Variants in SLC12A3 observed in about 807,000 individuals in gnomAD.
The protein encoded by SLC12A3 is Na-Cl cotransporter.
SLC12A3 carries 104 observed loss-of-function variants against 121.0 expected under a neutral mutation model. The ratio of observed to expected loss-of-function variants is 0.86; its 90% CI spans 0.73 to 1.01. SLC12A3 has a LOEUF of 1.01. Ranked by LOEUF, SLC12A3 falls within the 50% of genes least tolerant of loss-of-function variation. The pLI is 0.00. For synonymous variants in SLC12A3, 536 were observed against 533.4 expected, an observed-to-expected ratio of 1.00 and a Z score of -0.07; for missense variants, 1,328 against 1,356.3, an observed-to-expected ratio of 0.98 and a Z score of 0.33.
rs1233095124 is a variant in SLC12A3 at position 56,886,575 on chromosome 16, A to T, written c.2037+100A>T. The T allele has an allele frequency of 1.9e-5, 21 of 1,098,294 alleles. No homozygotes were observed. In the Admixed American group the frequency reaches 3.8e-4, roughly 20 times the overall value. 68.0% of individuals were successfully genotyped at this position (1,098,294 alleles called of 1,614,324 possible). A position where few individuals can be genotyped will look rare whatever the true frequency, so the allele number is the denominator to read the frequency against. On this transcript the variant is annotated intron_variant, in intron 16 of 25. Transcript: ENST00000563236. ...CAAGACAGGTGGATCACCCGAGGTC[A>T]GGAGTTTGAGACCAGCCTGGCCAAC...
At chr16:56,893,641 A>G (rs1596935145) in intron 21 of SLC12A3, among the ~76,000 whole-genome samples, 1 of 152,372 alleles carries the variant, frequency 6.6e-6, no homozygotes, top group South Asian at 2.1e-4. Flanking sequence ...GATATGTGAC[A>G]GCTGGCCCTT....
intron 8 of SLC12A3, among the ~76,000 whole-genome samples, chr16:56,875,422 CT>C (rs2055153251): frequency 2.0e-5 from 3 of 152,144 alleles, no homozygotes; most frequent in African/African-American, 7.2e-5. Context: ...CTAAGGGCTT[CT>C]TGTTATCATT....
At chr16:56,876,614 C>CT (rs2055167264) in intron 8 of SLC12A3, among the ~76,000 whole-genome samples, 1 of 151,660 alleles carries the variant, frequency 6.6e-6, no homozygotes, top group Non-Finnish European at 1.5e-5. Flanking sequence ...GACCTGGGCT[C>CT]TAGAGACTCC....
chr16:56,885,673 A>G (rs1263961549), intron 15 of SLC12A3, among the ~76,000 whole-genome samples: 1 of 152,066 alleles, frequency 6.6e-6, no homozygotes, highest in Non-Finnish European at 1.5e-5. Flanking sequence ...AATGGTGACG[A>G]ACCTCCCCTG....
At position 56,913,254 on chromosome 16, in the gene SLC12A3, T is replaced by C. The variant is rs576303786; in HGVS notation, c.2925-10T>C. On this transcript the variant is annotated splice_polypyrimidine_tract_variant and intron_variant, in intron 25 of 25. Coordinates refer to ENST00000563236, the MANE Select transcript of SLC12A3 (RefSeq NM_001126108.2). Reference sequence around the variant, plus strand: ...TAATCTCTCTTCTACCACTTTTTCATGCCTTGCAGCACTTTGCCCATAGGG... The same window carrying C: ...TAATCTCTCTTCTACCACTTTTTCACGCCTTGCAGCACTTTGCCCATAGGG... The C allele has an allele frequency of 6.2e-7, 1 of 1,614,174 alleles. No individual in the cohort carries two copies. Among genetic ancestry groups the C allele is most frequent in the South Asian group, 1.1e-5 (1 of 91,080 alleles).
rs764937158 is a variant in SLC12A3 at position 56,879,116 on chromosome 16, A to G, written c.1224A>G (p.Thr408=). Residue 408 remains threonine, a synonymous_variant, in exon 10 of 26, where the codon ACA becomes ACG. Coordinates refer to ENST00000563236, the MANE Select transcript of SLC12A3 (RefSeq NM_001126108.2). Reference sequence around the variant, plus strand: ...ATGCCTCTGGGGTCCTGAATGACACAGTGACCCCTGGCTGGGGTGCCTGCG... The same window carrying G: ...ATGCCTCTGGGGTCCTGAATGACACGGTGACCCCTGGCTGGGGTGCCTGCG... ...VRDASGVLND[T]VTPGWGACEG... 1 of 1,613,662 alleles carries G rather than the reference A, an allele frequency of 6.2e-7. No individual in the cohort carries two copies.
At chr16:56,886,025 C>G (rs1489676820) in intron 15 of SLC12A3, among the ~76,000 whole-genome samples, 5 of 152,214 alleles carry the variant, frequency 3.3e-5, no homozygotes, top group African/African-American at 7.2e-5. Flanking sequence ...GTCACCTTCC[C>G]GGGTAACTGA....
At chr16:56,882,730 G>T (rs1443809024) in intron 13 of SLC12A3, among the ~76,000 whole-genome samples, 1 of 152,086 alleles carries the variant, frequency 6.6e-6, no homozygotes, top group Non-Finnish European at 1.5e-5. Flanking sequence ...ATCACTTGAG[G>T]TCAGGAGTTT....
At chr16:56,879,043 A>T in intron 9 of SLC12A3, 30 bp from the exon 10 acceptor site, 1 of 1,587,808 alleles carries the variant, frequency 6.3e-7, no homozygotes, top group Non-Finnish European at 8.6e-7. Context: ...GGGAAGGCAG[A>T]CCTCCCCATG....
At chr16:56,906,798 CAT>C (rs1596956336) in intron 25 of SLC12A3, 3 of 730,420 alleles carry the variant, frequency 4.1e-6, no homozygotes, top group South Asian at 1.5e-5. Context: ...TGAACCCAAA[CAT>C]AGACTTGCAA....
chr16:56,904,565 C>T lies in SLC12A3; in HGVS notation c.2924+103C>T, dbSNP rs13306684. On this transcript the variant is annotated intron_variant, in intron 25 of 25. Transcript: ENST00000563236. ...GGCACCACGGAGGGCCCAAGCCTTC[C>T]CCTAGGAAGCAGAAGGGCCAAAGTT... The T allele has an allele frequency of 1.8e-4, 199 of 1,123,832 alleles. 1 individual carries two copies. The East Asian group carries it at 3.2e-3, about 18-fold the overall frequency. 69.6% of individuals were successfully genotyped at this position (1,123,832 alleles called of 1,614,324 possible).
In SLC12A3 at chr16:56,872,789, G is replaced by A. The variant is rs749539794; in HGVS notation, c.1095+3G>A. ...CCAACATATCTGGTGACCTCAAGGT[G>A]AGCAGAATACTTGCCCCTCCTGTGT... On this transcript the variant is annotated splice_donor_region_variant and intron_variant, in intron 8 of 25. Coordinates refer to ENST00000563236, the MANE Select transcript of SLC12A3 (RefSeq NM_001126108.2). The A allele has an allele frequency of 5.6e-6, 9 of 1,614,162 alleles. No homozygotes were observed. In the South Asian group the frequency reaches 8.8e-5, roughly 16 times the overall value.
At chr16:56,905,630 A>T (rs190272206) in intron 25 of SLC12A3, among the ~76,000 whole-genome samples, 1 of 152,240 alleles carries the variant, frequency 6.6e-6, no homozygotes, top group Non-Finnish European at 1.5e-5. Context: ...CAACTACACA[A>T]TTTGCAAGGC....
chr16:56,881,404 C>T (rs1417205446), intron 12 of SLC12A3, among the ~76,000 whole-genome samples: 9 of 152,004 alleles, frequency 5.9e-5, no homozygotes, highest in Non-Finnish European at 1.2e-4. Flanking sequence ...AACACATTTC[C>T]CTGCAATGTA....
intron 25 of SLC12A3, among the ~76,000 whole-genome samples, chr16:56,909,059 A>C (rs2055648606): frequency 6.6e-6 from 1 of 152,244 alleles, no homozygotes; most frequent in Non-Finnish European, 1.5e-5. Context: ...AGTTAACAAA[A>C]GTATTTCCAA....
In SLC12A3 at chr16:56,870,979, C is replaced by T. The variant is rs1384167696; in HGVS notation, c.852+243C>T. ...CCTCCCGAGTAGCTGGGATTACAGG[C>T]ACCTGCCACCACACCTGGCTAATTT... On this transcript the variant is annotated intron_variant, in intron 6 of 25. Transcript: ENST00000563236. Among the ~76,000 whole-genome samples the T allele has an allele frequency of 1.3e-5, 2 of 152,034 alleles. No individual in the cohort carries two copies. The highest frequency in any genetic ancestry group is 2.9e-5 in the Non-Finnish European group (2 of 67,994).
At chr16:56,902,531 G>GGGGGGGCGGCC in intron 24 of SLC12A3, 23 bp downstream of exon 24, 1 of 714,570 alleles carries the variant, frequency 1.4e-6, no homozygotes, top group Non-Finnish European at 2.4e-6. Flanking sequence ...GTGGGGGTGG[G>GGGGGGGCGGCC]AAACGCGACA....
chr16:56,880,521 C>T (rs1473585641), intron 12 of SLC12A3, among the ~76,000 whole-genome samples: 12 of 152,152 alleles, frequency 7.9e-5, no homozygotes, highest in African/African-American at 2.7e-4. Flanking sequence ...TAGAAGAGAA[C>T]TTACCTGTTC....
At chr16:56,875,125 T>A (rs1199365230) in intron 8 of SLC12A3, among the ~76,000 whole-genome samples, 1 of 148,798 alleles carries the variant, frequency 6.7e-6, no homozygotes, top group Non-Finnish European at 1.5e-5. Context: ...GTCTTGAAGC[T>A]GGATGAGGCC....
Sources: allele counts gnomAD v4.1 joint callset (sites outside exome capture counted in the v4.1 genomes callset), GRCh38; gene constraint gnomAD v4.1.1; transcripts MANE v1.5; gene names NCBI Gene and HGNC (gene_info 2026-07-23, HGNC 2026-07-21).